The following ITFG1 variants were observed in gnomAD, a reference collection of about 807,000 sequenced individuals.
ITFG1 encodes T-cell immunomodulatory protein.
Under a neutral mutation model 81.8 loss-of-function variants are expected in ITFG1, and 34 were observed. The observed-to-expected ratio is 0.42, with a 90% CI of 0.32 to 0.55. The LOEUF (loss-of-function observed/expected upper bound fraction) is 0.55, where lower values mean the gene tolerates loss of function less well. Among genes scored for constraint, ITFG1 ranks in the 20% least tolerant of loss-of-function variants. ITFG1 has a pLI of 0.17. For missense variants in ITFG1, 672 were observed against 755.4 expected (o/e 0.89, Z 1.29); for synonymous variants, 285 against 270.6 (o/e 1.05, Z -0.52).
chr16:47,380,048 CAA>C (rs763213367), intron 6 of ITFG1, among the ~76,000 whole-genome samples: 12 of 49,082 alleles, frequency 2.4e-4, no homozygotes, highest in Middle Eastern at 0.013. Flanking sequence ...CTTGGGTAGC[CAA>C]AAAAAAAAAA....
intron 14 of ITFG1, among the ~76,000 whole-genome samples, chr16:47,185,671 T>C (rs1279123663): frequency 1.3e-5 from 2 of 151,998 alleles, no homozygotes; most frequent in Non-Finnish European, 1.5e-5. Context: ...AGATCCAAAA[T>C]TGACACCCTA....
At chr16:47,245,624 G>T (rs1965991815) in intron 12 of ITFG1, among the ~76,000 whole-genome samples, 1 of 152,062 alleles carries the variant, frequency 6.6e-6, no homozygotes, top group Admixed American at 6.5e-5. Flanking sequence ...TAAATGTATA[G>T]AACAGAATTT....
chr16:47,439,519 G>T (rs1357506740), intron 5 of ITFG1, among the ~76,000 whole-genome samples: 1 of 152,170 alleles, frequency 6.6e-6, no homozygotes, highest in Non-Finnish European at 1.5e-5. Context: ...GAAGAGAGTG[G>T]GGGCCAATAT....
intron 8 of ITFG1, among the ~76,000 whole-genome samples, chr16:47,338,663 T>A (rs905106824): frequency 2.0e-5 from 3 of 152,052 alleles, no homozygotes; most frequent in Non-Finnish European, 4.4e-5. Flanking sequence ...TACTTTTTTT[T>A]TTTTTTAAAT....
At position 47,295,502 on chromosome 16, in the gene ITFG1, T is replaced by C. The variant is rs190158405; in HGVS notation, c.1070+15738A>G. 3.9e-5 allele frequency among the ~76,000 whole-genome samples: 6 copies of C among 152,324 alleles called. No individual in the cohort carries two copies. In the East Asian group the frequency reaches 5.8e-4, roughly 15 times the overall value. On this transcript the variant is annotated intron_variant, in intron 10 of 17. Transcript: ENST00000320640. ...ACTGATTTAATCTCACCACTCATTATTGATCTGTTCAACATTTATATTTCT... is the reference window on the plus strand; with the variant it reads ...ACTGATTTAATCTCACCACTCATTACTGATCTGTTCAACATTTATATTTCT...
At chr16:47,288,656 C>T (rs1200253651) in intron 10 of ITFG1, among the ~76,000 whole-genome samples, 1 of 151,932 alleles carries the variant, frequency 6.6e-6, no homozygotes, top group African/African-American at 2.4e-5. Context: ...GTCGCTTAGA[C>T]CAAAGGCCAA....
intron 12 of ITFG1, among the ~76,000 whole-genome samples, chr16:47,243,889 G>A (rs1965966197): frequency 6.6e-6 from 1 of 152,128 alleles, no homozygotes; most frequent in South Asian, 2.1e-4. Context: ...AAATCAGCCG[G>A]GAGTGGTGGC....
At chr16:47,289,311 T>A (rs533700697) in intron 10 of ITFG1, among the ~76,000 whole-genome samples, 1 of 152,336 alleles carries the variant, frequency 6.6e-6, no homozygotes, top group African/African-American at 2.4e-5. Context: ...ACTGTACTAT[T>A]CTTTTTCTGT....
intron 10 of ITFG1, among the ~76,000 whole-genome samples, chr16:47,264,545 TACACACAC>T (rs60424367): frequency 0.016 from 2,138 of 136,094 alleles, 27 homozygotes; most frequent in African/African-American, 0.038. Flanking sequence ...TGTTCTCTAT[TACACACAC>T]ACACACACAC....
intron 8 of ITFG1, among the ~76,000 whole-genome samples, chr16:47,323,674 T>C (rs1218329884): frequency 2.0e-5 from 3 of 152,194 alleles, no homozygotes; most frequent in Non-Finnish European, 4.4e-5. Context: ...TTCTTTTTCC[T>C]GTTCTGAGAT....
intron 8 of ITFG1, among the ~76,000 whole-genome samples, chr16:47,335,397 G>C (rs1368053453): frequency 6.6e-6 from 1 of 151,698 alleles, no homozygotes; most frequent in Non-Finnish European, 1.5e-5. Context: ...AAACCCAAAA[G>C]TCCCCCAAAA....
At chr16:47,361,040 A>G (rs1194349193) in intron 8 of ITFG1, among the ~76,000 whole-genome samples, 1 of 152,142 alleles carries the variant, frequency 6.6e-6, no homozygotes, top group Non-Finnish European at 1.5e-5. Context: ...AAGATTTTCT[A>G]GTATGTTTAT....
At chr16:47,390,898 A>C (rs1027686299) in intron 6 of ITFG1, among the ~76,000 whole-genome samples, 2 of 152,204 alleles carry the variant, frequency 1.3e-5, no homozygotes, top group Non-Finnish European at 2.9e-5. Flanking sequence ...ATACTTAAAG[A>C]AAAATCTAGT....
At chr16:47,411,023 G>A (rs1448554436) in intron 6 of ITFG1, among the ~76,000 whole-genome samples, 1 of 152,154 alleles carries the variant, frequency 6.6e-6, no homozygotes, top group African/African-American at 2.4e-5. Flanking sequence ...AACCTCCGCT[G>A]AGCAGTTCAA....
intron 8 of ITFG1, among the ~76,000 whole-genome samples, chr16:47,326,184 C>T (rs575971274): frequency 3.3e-5 from 5 of 152,126 alleles, no homozygotes; most frequent in Non-Finnish European, 7.4e-5. Context: ...AAAATCAATA[C>T]ACCTAATACA....
intron 16 of ITFG1, 115 bp downstream of exon 16, chr16:47,161,635 G>C (rs1964807184): frequency 1.6e-6 from 1 of 617,180 alleles, no homozygotes; most frequent in African/African-American, 1.8e-5. Flanking sequence ...GCAAATTAAG[G>C]GATGGGCACT....
At chr16:47,380,738 A>G (rs1455695378) in intron 6 of ITFG1, among the ~76,000 whole-genome samples, 1 of 152,154 alleles carries the variant, frequency 6.6e-6, no homozygotes, top group Non-Finnish European at 1.5e-5. Context: ...GGAACCATAT[A>G]TATTTTGGAT....
intron 10 of ITFG1, among the ~76,000 whole-genome samples, chr16:47,298,713 C>T (rs1263777760): frequency 6.6e-6 from 1 of 152,154 alleles, no homozygotes; most frequent in Non-Finnish European, 1.5e-5. Flanking sequence ...TCACATGAAG[C>T]CTGTCTCCTT....
intron 3 of ITFG1, among the ~76,000 whole-genome samples, chr16:47,453,358 T>C (rs1361355749): frequency 6.6e-6 from 1 of 152,214 alleles, no homozygotes; most frequent in Admixed American, 6.5e-5. Flanking sequence ...TGACTAGGTA[T>C]GGTAGACTGA....
Sources: gnomAD v4.1 joint callset for allele counts (sites outside exome capture counted in the v4.1 genomes callset) on GRCh38, gnomAD v4.1.1 for gene constraint, MANE v1.5 for transcripts, NCBI Gene and HGNC (gene_info 2026-07-23, HGNC 2026-07-21) for gene names.